The following IL1RAPL2 variants were observed in gnomAD, a reference collection of about 807,000 sequenced individuals.
The protein encoded by IL1RAPL2 is interleukin 1 receptor accessory protein like 2.
IL1RAPL2 carries 3 observed loss-of-function variants against 44.1 expected under a neutral mutation model. That is an observed-to-expected ratio of 0.07 (90% CI 0.03 to 0.18). The LOEUF (loss-of-function observed/expected upper bound fraction) is 0.18, where lower values mean the gene tolerates loss of function less well. Ranked by LOEUF, IL1RAPL2 falls within the 10% of genes least tolerant of loss-of-function variation. The probability of loss-of-function intolerance (pLI) is 1.00; values close to 1 mark genes in which losing one functional copy is unlikely to be tolerated. For missense variants in IL1RAPL2, 391 were observed against 496.4 expected (o/e 0.79, Z 2.02); for synonymous variants, 181 against 178.8 (o/e 1.01, Z -0.10).
At chrX:105,190,691 C>T (rs1264853865) in intron 2 of IL1RAPL2, among the ~76,000 whole-genome samples, 3 of 112,190 alleles carry the variant, frequency 2.7e-5, no homozygotes. Context: ...CAATTCTATA[C>T]ATAGTTATAT....
chrX:104,889,079 C>T (rs1369783732), intron 2 of IL1RAPL2, among the ~76,000 whole-genome samples: 2 of 111,145 alleles, frequency 1.8e-5, no homozygotes, highest in African/African-American at 3.3e-5. Context: ...TAGTAACTTC[C>T]GAGTCACCCA....
intron 6 of IL1RAPL2, among the ~76,000 whole-genome samples, chrX:105,687,359 G>T (rs1260212568): frequency 6.4e-5 from 7 of 109,375 alleles, no homozygotes; most frequent in Non-Finnish European, 9.5e-5. Flanking sequence ...AAAGAGAGAA[G>T]AATCAAATAG....
rs369933788 is a variant in IL1RAPL2, at chrX:105,372,435, C to CA, written c.697+104909dup. Reference sequence around the variant, plus strand: ...TAGGCGACAGAGTGAGACCCTATCTCAAAAAAAAAAAAAAAGTCTTTTAAT... The same window carrying CA: ...TAGGCGACAGAGTGAGACCCTATCTCAAAAAAAAAAAAAAAAGTCTTTTAAT... On this transcript the variant is annotated intron_variant, in intron 5 of 10. Coordinates refer to ENST00000372582, the MANE Select transcript of IL1RAPL2 (RefSeq NM_017416.2). Among the ~76,000 whole-genome samples, 241 of 87,150 alleles carry CA rather than the reference C, an allele frequency of 2.8e-3. 1 individual carries two copies. Among genetic ancestry groups the CA allele is most frequent in the African/African-American group, 3.7e-3 (81 of 21,972 alleles). 75.7% of individuals were successfully genotyped at this position (87,150 alleles called of 115,157 possible).
chrX:105,390,409 C>G (rs1031550162), intron 5 of IL1RAPL2, among the ~76,000 whole-genome samples: 12 of 111,740 alleles, frequency 1.1e-4, no homozygotes, highest in South Asian at 3.7e-4. Flanking sequence ...ATTGCCCCAT[C>G]ATCTAGCACG....
chrX:105,557,290 A>G (rs1318484106), intron 6 of IL1RAPL2, among the ~76,000 whole-genome samples: 1 of 111,561 alleles, frequency 9.0e-6, no homozygotes, highest in Non-Finnish European at 1.9e-5. Context: ...CTATTAAATG[A>G]AATAAAGAGA....
Position 105,407,124 on chromosome X carries a change from G to A in IL1RAPL2, c.698-77189G>A, listed in dbSNP as rs184553479. The A allele has an allele frequency of 3.2e-4, 164 of 508,385 alleles. No individual in the cohort carries two copies. The East Asian group carries it at 3.9e-3, about 12-fold the overall frequency. The allele number at this position is 508,385 out of a possible 1,213,427, so 41.9% of individuals were successfully genotyped here. On this transcript the variant is annotated intron_variant, in intron 5 of 10. Transcript: ENST00000372582. ...CTTTTCTTTCTCCACTCACTCAGTT[G>A]TCTAGAAGAAATAACACTGTAAGGA... is the stretch of plus-strand genomic sequence containing the variant.
intron 2 of IL1RAPL2, among the ~76,000 whole-genome samples, chrX:104,901,736 C>T (rs190398241): frequency 9.0e-6 from 1 of 111,581 alleles, no homozygotes; most frequent in East Asian, 2.9e-4. Flanking sequence ...CGTTTACTAC[C>T]TGTGTCATCT....
chrX:105,616,425 C>G (rs964909983), intron 6 of IL1RAPL2, among the ~76,000 whole-genome samples: 14 of 111,725 alleles, frequency 1.3e-4, no homozygotes, highest in African/African-American at 4.2e-4. Flanking sequence ...TACAGTTGCT[C>G]TACTTCCCTA....
At chrX:105,564,092 T>C (rs1163016971) in intron 6 of IL1RAPL2, among the ~76,000 whole-genome samples, 4 of 111,596 alleles carry the variant, frequency 3.6e-5, no homozygotes, top group Non-Finnish European at 7.5e-5. Flanking sequence ...GCATTCTCAC[T>C]TCATCCTCAC....
At chrX:104,912,158 CTTTGT>C (rs761208158) in intron 2 of IL1RAPL2, among the ~76,000 whole-genome samples, 404 of 103,068 alleles carry the variant, frequency 3.9e-3, no homozygotes, top group Middle Eastern at 0.02. Context: ...TCTTTTTTTC[CTTTGT>C]TTTGTTTTGT....
chrX:105,677,926 A>T (rs2037886797), intron 6 of IL1RAPL2, among the ~76,000 whole-genome samples: 1 of 112,135 alleles, frequency 8.9e-6, no homozygotes, highest in Non-Finnish European at 1.9e-5. Context: ...GCTATTCGAG[A>T]AGAACATTTC....
chrX:104,804,593 T>C (rs1399473170), intron 2 of IL1RAPL2, among the ~76,000 whole-genome samples: 2 of 112,247 alleles, frequency 1.8e-5, no homozygotes, highest in African/African-American at 3.2e-5. Flanking sequence ...GTCTTTATTG[T>C]TGTGGACACA....
rs564032928 is a variant in IL1RAPL2 at position 105,535,720 on chromosome X, C to G, written c.772+51333C>G. Among the ~76,000 whole-genome samples the G allele has an allele frequency of 5.4e-5, 6 of 111,329 alleles. No homozygotes were observed. In the South Asian group the frequency reaches 2.3e-3, roughly 42 times the overall value. Reference sequence around the variant, plus strand: ...TGTACTTCCATTTCCACGGCATTCTCAAAAATATAAATTGATGGTGATAAA... The same window carrying G: ...TGTACTTCCATTTCCACGGCATTCTGAAAAATATAAATTGATGGTGATAAA... On this transcript the variant is annotated intron_variant, in intron 6 of 10. Coordinates refer to ENST00000372582, the MANE Select transcript of IL1RAPL2 (RefSeq NM_017416.2).
chrX:105,098,854 A>G (rs906783720), intron 2 of IL1RAPL2, among the ~76,000 whole-genome samples: 1 of 112,155 alleles, frequency 8.9e-6, no homozygotes, highest in Non-Finnish European at 1.9e-5. Flanking sequence ...GCAAAAATCT[A>G]TGGGATAAGT....
At chrX:105,449,441 G>T (rs192112278) in intron 5 of IL1RAPL2, among the ~76,000 whole-genome samples, 11 of 111,003 alleles carry the variant, frequency 9.9e-5, no homozygotes, top group Non-Finnish European at 1.9e-4. Context: ...AAAATTAGCC[G>T]GGCATGGTGG....
chrX:105,415,143 T>A (rs1205540333), intron 5 of IL1RAPL2, among the ~76,000 whole-genome samples: 12 of 112,168 alleles, frequency 1.1e-4, no homozygotes, highest in Non-Finnish European at 1.9e-4. Context: ...TCCATTGCTT[T>A]AAAATAAAAG....
intron 4 of IL1RAPL2, among the ~76,000 whole-genome samples, chrX:105,250,290 T>G (rs1167216141): frequency 9.0e-6 from 1 of 111,212 alleles, no homozygotes; most frequent in East Asian, 2.8e-4. Flanking sequence ...CAATTCTGTA[T>G]GATGCTGTAA....
intron 5 of IL1RAPL2, among the ~76,000 whole-genome samples, chrX:105,397,970 C>A (rs1230491846): frequency 9.1e-6 from 1 of 110,053 alleles, no homozygotes; most frequent in African/African-American, 3.3e-5. Context: ...CCTAAAGTTT[C>A]TTTTTCTGAG....
At chrX:104,941,443 CTGA>C (rs1366866837) in intron 2 of IL1RAPL2, among the ~76,000 whole-genome samples, 1 of 111,997 alleles carries the variant, frequency 8.9e-6, no homozygotes, top group African/African-American at 3.3e-5. Flanking sequence ...TTGTATTTCT[CTGA>C]TGGTCAGTGA....
Sources: allele counts gnomAD v4.1 joint callset (sites outside exome capture counted in the v4.1 genomes callset), GRCh38; gene constraint gnomAD v4.1.1; transcripts MANE v1.5; gene names NCBI Gene and HGNC (gene_info 2026-07-23, HGNC 2026-07-21).